RHBDD1: variants seen among roughly 807,000 people sequenced by gnomAD.
RHBDD1 encodes rhomboid-related protein 4.
In RHBDD1, 38 loss-of-function variants were observed where a neutral mutation model predicts 36.3. That is an observed-to-expected ratio of 1.05 (90% CI 0.81 to 1.37). The LOEUF (loss-of-function observed/expected upper bound fraction) is 1.37, where lower values mean the gene tolerates loss of function less well. Among genes scored for constraint, RHBDD1 ranks in the 40% most tolerant of loss-of-function variants. The pLI is 0.00. For synonymous variants in RHBDD1, 151 were observed against 136.5 expected (o/e 1.11, Z -0.74); for missense variants, 393 against 377.6 (o/e 1.04, Z -0.34).
chr2:226,894,289 A>T (rs1213774357), intron 5 of RHBDD1, among the ~76,000 whole-genome samples: 1 of 152,136 alleles, frequency 6.6e-6, no homozygotes, highest in African/African-American at 2.4e-5. Context: ...TTATTTTTTG[A>T]GACAGAGTCT....
chr2:226,856,861 A>G (rs1344764002), intron 3 of RHBDD1, among the ~76,000 whole-genome samples: 1 of 152,198 alleles, frequency 6.6e-6, no homozygotes, highest in Non-Finnish European at 1.5e-5. Context: ...AAACACACTA[A>G]CCCTTCTTTT....
At position 226,995,553 on chromosome 2, in the gene RHBDD1, G is replaced by C; in HGVS notation, c.*31G>C. ...CATCTTGGGAAGACATGGCCTATTC[G>C]TGTAATTATTGCCCATTTGGCTCAT... On this transcript the variant is annotated 3_prime_UTR_variant, in exon 9 of 9. Coordinates refer to ENST00000392062, the MANE Select transcript of RHBDD1 (RefSeq NM_001167608.3). 6.9e-7 allele frequency: 1 copy of C among 1,444,196 alleles called. No homozygotes were observed. Among genetic ancestry groups the C allele is most frequent in the Non-Finnish European group, 9.7e-7 (1 of 1,033,122 alleles). The allele number at this position is 1,444,196 out of a possible 1,614,324, so 89.5% of individuals were successfully genotyped here.
rs563622423 is a variant in RHBDD1, at chr2:226,860,390, A to G, written c.-90-4214A>G. Reference sequence around the variant, plus strand: ...TTTCAGTTCACAGATAAGTTGCTATAATTGATGTTGCCTCTGTGGTCTTTC... The same window carrying G: ...TTTCAGTTCACAGATAAGTTGCTATGATTGATGTTGCCTCTGTGGTCTTTC... On this transcript the variant is annotated intron_variant, in intron 3 of 8. Coordinates refer to ENST00000392062, the MANE Select transcript of RHBDD1 (RefSeq NM_001167608.3). Among the ~76,000 whole-genome samples the G allele has an allele frequency of 2.3e-3, 347 of 152,278 alleles. 1 individual carries two copies. Among genetic ancestry groups the G allele is most frequent in the Admixed American group, 8.0e-3 (123 of 15,292 alleles).
At chr2:226,816,375 CAA>C in the RHBDD1 span, among the ~76,000 whole-genome samples, 195 of 64,954 alleles carry the variant, frequency 3.0e-3, 1 homozygote, top group Middle Eastern at 0.011. Context: ...GGAATGGTGG[CAA>C]AAAAAAAAAA....
At chr2:226,964,733 G>C (rs1363180307) in intron 8 of RHBDD1, among the ~76,000 whole-genome samples, 1 of 152,182 alleles carries the variant, frequency 6.6e-6, no homozygotes, top group Non-Finnish European at 1.5e-5. Flanking sequence ...GAGTAACCAA[G>C]CCTTCTTGAT....
chr2:226,860,203 G>A (rs774215415), intron 3 of RHBDD1, among the ~76,000 whole-genome samples: 6 of 152,152 alleles, frequency 3.9e-5, no homozygotes, highest in Non-Finnish European at 5.9e-5. Flanking sequence ...GGACAGTCCA[G>A]TGTTCAGCTT....
rs569498446 is a variant in RHBDD1, at chr2:226,927,905, T to C, written c.856+13554T>C. Among the ~76,000 whole-genome samples, 253 of 152,184 alleles carry C rather than the reference T, an allele frequency of 1.7e-3. 1 individual carries two copies. Among genetic ancestry groups the C allele is most frequent in the African/African-American group, 5.9e-3 (243 of 41,530 alleles). ...TATTTTCCCTGAGTCTGTGGCTTTT[T>C]CCCCCATTCTCTTAAAAGTATCTTT... is the stretch of plus-strand genomic sequence containing the variant. On this transcript the variant is annotated intron_variant, in intron 8 of 8. Coordinates refer to ENST00000392062, the MANE Select transcript of RHBDD1 (RefSeq NM_001167608.3).
In RHBDD1 at chr2:226,963,727, A is replaced by T. The variant is rs567506422; in HGVS notation, c.857-31704A>T. Among the ~76,000 whole-genome samples the T allele has an allele frequency of 7.9e-5, 12 of 152,292 alleles. No homozygotes were observed. The South Asian group carries it at 2.3e-3, about 29-fold the overall frequency. On this transcript the variant is annotated intron_variant, in intron 8 of 8. Transcript: ENST00000392062. ...AGGCTTCTTGGAATGTGGATCTGGCAGCTAAGCCTTATTAGAGAACATGAC... is the reference window on the plus strand; with the variant it reads ...AGGCTTCTTGGAATGTGGATCTGGCTGCTAAGCCTTATTAGAGAACATGAC...
intron 5 of RHBDD1, among the ~76,000 whole-genome samples, chr2:226,904,414 CGG>C (rs1294372074): frequency 1.1e-4 from 5 of 46,588 alleles, no homozygotes; most frequent in Admixed American, 2.2e-4. Flanking sequence ...ATCCTGCAAG[CGG>C]GGGGGGAGGG....
At chr2:226,960,813 AG>A (rs1952139951) in intron 8 of RHBDD1, among the ~76,000 whole-genome samples, 1 of 152,148 alleles carries the variant, frequency 6.6e-6, no homozygotes, top group Admixed American at 6.5e-5. Flanking sequence ...AGCACTCATA[AG>A]GGGGTTCATC....
chr2:226,902,770 G>A lies in RHBDD1; in HGVS notation c.567-4023G>A, dbSNP rs148732496. Among the ~76,000 whole-genome samples the A allele has an allele frequency of 4.1e-3, 628 of 152,246 alleles. 4 individuals carry two copies. Among genetic ancestry groups the A allele is most frequent in the Non-Finnish European group, 3.5e-3 (240 of 68,012 alleles). On this transcript the variant is annotated intron_variant, in intron 5 of 8. Coordinates refer to ENST00000392062, the MANE Select transcript of RHBDD1 (RefSeq NM_001167608.3). ...AAAATGCTGAATGTTGGAGGATGAC[G>A]CAATGAGTTCTCCGGACTGCCAGCC...
chr2:226,967,123 T>C (rs775267796), intron 8 of RHBDD1, among the ~76,000 whole-genome samples: 1 of 152,188 alleles, frequency 6.6e-6, no homozygotes, highest in African/African-American at 2.4e-5. Flanking sequence ...GAACCTGTTA[T>C]AGAAGATGGA....
chr2:226,950,209 G>A (rs1045157992), intron 8 of RHBDD1, among the ~76,000 whole-genome samples: 13 of 152,166 alleles, frequency 8.5e-5, no homozygotes, highest in African/African-American at 2.9e-4. Context: ...TCCCCAGCTT[G>A]CAGCTCTGTA....
At chr2:226,815,761 A>G in the RHBDD1 span, among the ~76,000 whole-genome samples, 1 of 152,216 alleles carries the variant, frequency 6.6e-6, no homozygotes, top group South Asian at 2.1e-4. Flanking sequence ...TGTTTCTGGC[A>G]AAACTAAAGT....
intron 4 of RHBDD1, 83 bp downstream of exon 4, chr2:226,865,209 C>T: frequency 9.1e-7 from 1 of 1,097,040 alleles, no homozygotes. Flanking sequence ...AGTGTGGGTC[C>T]CTATCAAATT....
the RHBDD1 span, among the ~76,000 whole-genome samples, chr2:226,823,696 A>T: frequency 6.6e-6 from 1 of 152,206 alleles, no homozygotes; most frequent in Non-Finnish European, 1.5e-5. Flanking sequence ...AATAACACAT[A>T]CTGGGTAATT....
At chr2:226,952,059 A>T (rs1209202507) in intron 8 of RHBDD1, among the ~76,000 whole-genome samples, 1 of 152,108 alleles carries the variant, frequency 6.6e-6, no homozygotes, top group Non-Finnish European at 1.5e-5. Context: ...ATCTGTAGCT[A>T]GTGGAGTTGG....
chr2:226,935,316 G>A (rs1950266233), intron 8 of RHBDD1: 1 of 152,072 alleles, frequency 6.6e-6, no homozygotes, highest in Non-Finnish European at 1.5e-5. Flanking sequence ...TCCTGTTTAT[G>A]AGCAATCATA....
intron 8 of RHBDD1, among the ~76,000 whole-genome samples, chr2:226,986,511 G>C (rs1344451008): frequency 6.6e-6 from 1 of 151,996 alleles, no homozygotes; most frequent in African/African-American, 2.4e-5. Context: ...CCATCAAAAA[G>C]CAGGTAAAGG....
Sources: gnomAD v4.1 joint callset for allele counts (sites outside exome capture counted in the v4.1 genomes callset) on GRCh38, gnomAD v4.1.1 for gene constraint, MANE v1.5 for transcripts, NCBI Gene and HGNC (gene_info 2026-07-23, HGNC 2026-07-21) for gene names.